The following SLC71A1 variants were observed in gnomAD, a reference collection of about 807,000 sequenced individuals.
The protein encoded by SLC71A1 is solute carrier family 71 member 1.
At chr1:100,067,223 A>T in the SLC71A1 span, among the ~76,000 whole-genome samples, 1 of 152,040 alleles carries the variant, frequency 6.6e-6, no homozygotes, top group Non-Finnish European at 1.5e-5. Context: ...GTTTGAAGAC[A>T]GTGTCCTGAG....
At chr1:100,081,883 C>T in the SLC71A1 span, 1 of 724,804 alleles carries the variant, frequency 1.4e-6, no homozygotes, top group Non-Finnish European at 2.3e-6. Context: ...ATAATTATGG[C>T]TTTAATAAAG....
chr1:100,042,299 C>T, the SLC71A1 span, among the ~76,000 whole-genome samples: 1 of 152,046 alleles, frequency 6.6e-6, no homozygotes, highest in African/African-American at 2.4e-5. Context: ...ATTGCATGGT[C>T]GGAAGTACCT....
At chr1:100,043,323 T>A in the SLC71A1 span, 2 of 402,432 alleles carry the variant, frequency 5.0e-6, no homozygotes, top group Admixed American at 6.4e-5. Flanking sequence ...AGTGTGAAAG[T>A]AACAGTTGAC....
chr1:100,074,586 A>G, the SLC71A1 span, among the ~76,000 whole-genome samples: 1 of 151,402 alleles, frequency 6.6e-6, no homozygotes, highest in Non-Finnish European at 1.5e-5. Flanking sequence ...TCTCGGGGGG[A>G]AAAAGAAAGG....
At chr1:100,078,711 A>AGG in the SLC71A1 span, 214 of 532,402 alleles carry the variant, frequency 4.0e-4, no homozygotes, top group Middle Eastern at 1.9e-3. Flanking sequence ...ATTTATCCTT[A>AGG]GGTAGATACA....
chr1:100,038,257 C>T, the SLC71A1 span: 2 of 1,560,232 alleles, frequency 1.3e-6, no homozygotes, highest in South Asian at 2.4e-5. Flanking sequence ...GAAGAAGAAA[C>T]GGGCCGCGAA....
chr1:100,051,912 C>A, the SLC71A1 span, among the ~76,000 whole-genome samples: 5 of 152,166 alleles, frequency 3.3e-5, no homozygotes, highest in Admixed American at 6.5e-5. Context: ...TTCATCCTTA[C>A]AACCACCTTA....
chr1:100,065,717 CT>C, the SLC71A1 span, among the ~76,000 whole-genome samples: 2 of 131,612 alleles, frequency 1.5e-5, no homozygotes, highest in Non-Finnish European at 1.6e-5. Context: ...AGCCTTTTCC[CT>C]TTTTTAACCC....
At chr1:100,062,059 A>T in the SLC71A1 span, 1 of 664,322 alleles carries the variant, frequency 1.5e-6, no homozygotes, top group East Asian at 3.0e-5. Context: ...TTTTGCGTAA[A>T]ATATATTTTG....
At chr1:100,059,982 T>A in the SLC71A1 span, 1 of 1,612,228 alleles carries the variant, frequency 6.2e-7, no homozygotes, top group Non-Finnish European at 8.5e-7. Context: ...GTGCCCCAAT[T>A]CCTTTAATGA....
At chr1:100,064,093 ATATATT>A in the SLC71A1 span, among the ~76,000 whole-genome samples, 1 of 152,150 alleles carries the variant, frequency 6.6e-6, no homozygotes, top group Non-Finnish European at 1.5e-5. Flanking sequence ...ATTTGAAAAT[ATATATT>A]TATATGTATG....
the SLC71A1 span, among the ~76,000 whole-genome samples, chr1:100,073,371 A>G: frequency 1.3e-5 from 2 of 152,184 alleles, no homozygotes; most frequent in African/African-American, 2.4e-5. Flanking sequence ...AATAAAATCT[A>G]GACTCCTTAT....
chr1:100,070,665 C>T, the SLC71A1 span, among the ~76,000 whole-genome samples: 1 of 151,970 alleles, frequency 6.6e-6, no homozygotes, highest in African/African-American at 2.4e-5. Flanking sequence ...ATCTTTTTTC[C>T]AGTGACCACC....
the SLC71A1 span, chr1:100,082,083 G>A: frequency 2.3e-5 from 37 of 1,613,772 alleles, no homozygotes; most frequent in South Asian, 5.5e-5. Flanking sequence ...TGTTTATTCC[G>A]GAACATACCA....
the SLC71A1 span, among the ~76,000 whole-genome samples, chr1:100,053,094 A>C: frequency 6.6e-6 from 1 of 152,198 alleles, no homozygotes; most frequent in African/African-American, 2.4e-5. Flanking sequence ...TGGCATATCT[A>C]CTTTTTAGAA....
the SLC71A1 span, among the ~76,000 whole-genome samples, chr1:100,060,812 C>T: frequency 1.3e-5 from 2 of 151,824 alleles, no homozygotes; most frequent in Non-Finnish European, 1.5e-5. Context: ...AATAATTGTC[C>T]TAAAGTCAGA....
chr1:100,075,874 C>T, the SLC71A1 span, among the ~76,000 whole-genome samples: 1 of 152,154 alleles, frequency 6.6e-6, no homozygotes, highest in Non-Finnish European at 1.5e-5. Context: ...GATGTGGTCT[C>T]TTTATGTTGT....
At chr1:100,062,547 G>A in the SLC71A1 span, among the ~76,000 whole-genome samples, 2 of 152,150 alleles carry the variant, frequency 1.3e-5, no homozygotes, top group African/African-American at 4.8e-5. Flanking sequence ...AAAAAGCCTA[G>A]TAATAGAATG....
At chr1:100,082,405 T>C in the SLC71A1 span, 6 of 573,966 alleles carry the variant, frequency 1.0e-5, no homozygotes, top group South Asian at 9.0e-5. Context: ...CAATTTCTTT[T>C]GAAAAACCTT....
Sources: gnomAD v4.1 joint callset for allele counts (sites outside exome capture counted in the v4.1 genomes callset) on GRCh38, gnomAD v4.1.1 for gene constraint, MANE v1.5 for transcripts, NCBI Gene and HGNC (gene_info 2026-07-23, HGNC 2026-07-21) for gene names.